LBP: variants seen among roughly 807,000 people sequenced by gnomAD.
The protein encoded by LBP is lipopolysaccharide-binding protein.
LBP carries 53 observed loss-of-function variants against 56.6 expected under a neutral mutation model. The observed-to-expected ratio is 0.94, with a 90% CI of 0.75 to 1.18. The LOEUF is 1.18. Ranked by LOEUF, LBP falls within the 50% of genes most tolerant of loss-of-function variation. LBP has a pLI of 0.00. For synonymous variants in LBP, 227 were observed against 247.5 expected (o/e 0.92, Z 0.78); for missense variants, 601 against 598.3 (o/e 1.00, Z -0.05).
At chr20:38,360,125 G>T (rs1056120062) in intron 5 of LBP, among the ~76,000 whole-genome samples, 2 of 152,074 alleles carry the variant, frequency 1.3e-5, no homozygotes, top group Admixed American at 1.3e-4. Context: ...GGTGGCACAT[G>T]CCTGTGATCC....
chr20:38,360,029 A>G (rs750084088), intron 5 of LBP, among the ~76,000 whole-genome samples: 33 of 152,292 alleles, frequency 2.2e-4, no homozygotes, highest in Non-Finnish European at 4.4e-4. Flanking sequence ...AGGCAGGTGG[A>G]TCGCCTGAGG....
intron 5 of LBP, among the ~76,000 whole-genome samples, chr20:38,355,872 T>TA (rs2076837174): frequency 1.3e-5 from 2 of 151,926 alleles, no homozygotes; most frequent in Admixed American, 6.6e-5. Context: ...ACTGGCCTGT[T>TA]AAAAAGGAGT....
rs200763222 is a variant in LBP, at chr20:38,364,081, G to A, written c.744+15G>A. 3.2e-5 allele frequency: 51 copies of A among 1,584,626 alleles called. No homozygotes were observed. The highest frequency in any genetic ancestry group is 4.3e-5 in the Non-Finnish European group (50 of 1,153,316). On this transcript the variant is annotated intron_variant, in intron 7 of 14. Transcript: ENST00000217407. ...TGATGTTTAAGGTGAGGGTCCTGGGGCCGGGCTGCGTGGGTGAGGCTTTCC... is the reference window on the plus strand; with the variant it reads ...TGATGTTTAAGGTGAGGGTCCTGGGACCGGGCTGCGTGGGTGAGGCTTTCC...
chr20:38,363,832 A>G (rs980585462), intron 6 of LBP, 143 bp from the exon 7 acceptor site: 15 of 633,068 alleles, frequency 2.4e-5, no homozygotes, highest in Non-Finnish European at 3.7e-5. Context: ...TTCTTGAAGA[A>G]GCAATTCTTT....
chr20:38,355,831 G>A (rs1021534640), intron 5 of LBP, among the ~76,000 whole-genome samples: 1 of 152,076 alleles, frequency 6.6e-6, no homozygotes, highest in African/African-American at 2.4e-5. Context: ...ATGAGCACCA[G>A]CCCTGGATGG....
intron 6 of LBP, among the ~76,000 whole-genome samples, chr20:38,362,996 A>G (rs1161944419): frequency 6.6e-6 from 1 of 152,308 alleles, no homozygotes; most frequent in East Asian, 1.9e-4. Flanking sequence ...ATATTGTTGC[A>G]TGCACCTGTA....
At position 38,360,620 on chromosome 20, in the gene LBP, G is replaced by A; in HGVS notation, c.589-84G>A. On this transcript the variant is annotated intron_variant, in intron 5 of 14. Coordinates refer to ENST00000217407, the MANE Select transcript of LBP (RefSeq NM_004139.5). ...ATCAGTGATCACTGAGCACATGTGT[G>A]GAATAATGTGACTGCAGTGATCAGC... 3 of 861,960 alleles carry A rather than the reference G, an allele frequency of 3.5e-6. No individual in the cohort carries two copies. The South Asian group carries it at 4.4e-5, about 13-fold the overall frequency. The allele number at this position is 861,960 out of a possible 1,614,324, so 53.4% of individuals were successfully genotyped here.
chr20:38,355,553 C>G (rs2076835887), intron 5 of LBP, 144 bp downstream of exon 5: 2 of 744,010 alleles, frequency 2.7e-6, no homozygotes, highest in Non-Finnish European at 4.6e-6. Flanking sequence ...AATCATTTGC[C>G]CAGGTCATGG....
chr20:38,351,059 A>C (rs992634205), intron 3 of LBP, 120 bp downstream of exon 3: 2 of 1,322,482 alleles, frequency 1.5e-6, no homozygotes, highest in African/African-American at 2.9e-5. Context: ...ATGGAGTCCA[A>C]GCCCGGAGGT....
intron 7 of LBP, 90 bp from the exon 8 acceptor site, chr20:38,364,486 G>T: frequency 1.7e-6 from 2 of 1,196,184 alleles, no homozygotes; most frequent in Non-Finnish European, 1.2e-6. Context: ...TCCAGCCAGC[G>T]TCCCTTCATC....
chr20:38,364,552 A>G (rs2232606), intron 7 of LBP, 24 bp from the exon 8 acceptor site: 102,079 of 1,612,998 alleles, frequency 0.063, 3,594 homozygotes, highest in African/African-American at 0.098. Flanking sequence ...GAAAAGTCCA[A>G]TTGGACCCTA....
chr20:38,349,022 T>A (rs2076811240), intron 1 of LBP, among the ~76,000 whole-genome samples: 1 of 151,530 alleles, frequency 6.6e-6, no homozygotes, highest in Non-Finnish European at 1.5e-5. Context: ...CTCGAACTCC[T>A]GACCTCAGGT....
At chr20:38,372,105 G>C (rs11536987) in intron 12 of LBP, among the ~76,000 whole-genome samples, 2 of 152,316 alleles carry the variant, frequency 1.3e-5, no homozygotes, top group South Asian at 4.1e-4. Flanking sequence ...TGAAGTAGAC[G>C]GCCCCAAATA....
At chr20:38,350,717 C>T in intron 2 of LBP, 94 bp from the exon 3 acceptor site, 1 of 1,413,454 alleles carries the variant, frequency 7.1e-7, no homozygotes, top group East Asian at 2.3e-5. Flanking sequence ...TCCTGCTGGT[C>T]TAGTCCCCAC....
chr20:38,352,542 G>A lies in LBP; in HGVS notation c.368+1603G>A, dbSNP rs1312411844. Among the ~76,000 whole-genome samples the A allele has an allele frequency of 2.6e-5, 4 of 152,288 alleles. 1 individual carries two copies. Among genetic ancestry groups the A allele is most frequent in the Non-Finnish European group, 1.5e-5 (1 of 68,022 alleles). Reference sequence around the variant, plus strand: ...GGCTGAGGCAGGTGGATCATTTGAGGTCAGGAGTTCAAGACCAGCTTGGTC... The same window carrying A: ...GGCTGAGGCAGGTGGATCATTTGAGATCAGGAGTTCAAGACCAGCTTGGTC... On this transcript the variant is annotated intron_variant, in intron 3 of 14. Transcript: ENST00000217407.
At chr20:38,366,609 T>A (rs2076882882) in intron 8 of LBP, among the ~76,000 whole-genome samples, 160 bp from the exon 9 acceptor site, 1 of 152,064 alleles carries the variant, frequency 6.6e-6, no homozygotes, top group South Asian at 2.1e-4. Context: ...TCCCATGTGC[T>A]CTCCTTGGGT....
chr20:38,373,961 T>G lies in LBP; in HGVS notation c.1349T>G (p.Leu450Arg). 6.2e-7 allele frequency: 1 copy of G among 1,614,154 alleles called. No individual in the cohort carries two copies. The highest frequency in any genetic ancestry group is 8.5e-7 in the Non-Finnish European group (1 of 1,179,984). The change falls in exon 14 of 15, where the codon CTT (leucine) becomes CGT (arginine). Residue 450 changes from leucine (L) to arginine (R), a missense_variant. By Grantham distance (102) the Leu-to-Arg change is moderately radical (BLOSUM62 -2). Transcript: ENST00000217407. ...FNDKLAEGFPLPLLKRVQLYD... is the reference protein window; with the variant it reads ...FNDKLAEGFPRPLLKRVQLYD... ...GATAAGTTGGCCGAAGGCTTCCCCC[T>G]TCCTCTGCTGAAGCGTGTTCAGCTC...
At chr20:38,348,749 T>G (rs1360167811) in intron 1 of LBP, among the ~76,000 whole-genome samples, 1 of 70,156 alleles carries the variant, frequency 1.4e-5, no homozygotes, top group East Asian at 4.8e-4. Context: ...ATGAGGAAAG[T>G]TTAGTTTAGT....
At chr20:38,347,341 C>T (rs1001474580) in intron 1 of LBP, among the ~76,000 whole-genome samples, 2 of 151,840 alleles carry the variant, frequency 1.3e-5, no homozygotes, top group African/African-American at 2.4e-5. Context: ...GCCAGGAGTT[C>T]GAGGCAAGCC....
Sources: gnomAD v4.1 joint callset for allele counts (sites outside exome capture counted in the v4.1 genomes callset) on GRCh38, gnomAD v4.1.1 for gene constraint, MANE v1.5 for transcripts, NCBI Gene and HGNC (gene_info 2026-07-23, HGNC 2026-07-21) for gene names.